Variants in WNK1 observed in about 807,000 individuals in gnomAD.
The protein encoded by WNK1 is serine/threonine-protein kinase WNK1.
Under a neutral mutation model 222.8 loss-of-function variants are expected in WNK1, and 38 were observed. The observed-to-expected ratio is 0.17, with a 90% confidence interval of 0.13 to 0.22. The LOEUF (loss-of-function observed/expected upper bound fraction) is 0.22, where lower values mean the gene tolerates loss of function less well. Among genes scored for constraint, WNK1 ranks in the 10% least tolerant of loss-of-function variants. The probability of loss-of-function intolerance (pLI) is 1.00; values close to 1 mark genes in which losing one functional copy is unlikely to be tolerated. For synonymous variants in WNK1, 1,090 were observed against 1,092.9 expected, an observed-to-expected ratio of 1.00 and a Z score of 0.05; for missense variants, 2,348 against 2,918.4, an observed-to-expected ratio of 0.80 and a Z score of 4.50.
At chr12:871,133 T>C in intron 8 of WNK1, 132 bp from the exon 9 acceptor site, 1 of 848,662 alleles carries the variant, frequency 1.2e-6, no homozygotes, top group Non-Finnish European at 2.0e-6. Flanking sequence ...GCCTCTCCCA[T>C]ACATAATCAG....
At chr12:887,172 C>A in intron 19 of WNK1, 49 bp from the exon 20 acceptor site, 1 of 1,535,250 alleles carries the variant, frequency 6.5e-7, no homozygotes. Flanking sequence ...AGTACGCAGT[C>A]TTTATATTTA....
chr12:770,990 G>A (rs543903983), intron 1 of WNK1, among the ~76,000 whole-genome samples: 2 of 152,000 alleles, frequency 1.3e-5, no homozygotes, highest in African/African-American at 4.8e-5. Context: ...TAAACTTACT[G>A]CTTTATATTT....
intron 22 of WNK1, among the ~76,000 whole-genome samples, chr12:891,602 C>CTTTTTTTTTTTTTT (rs71441624): frequency 7.9e-6 from 1 of 126,016 alleles, no homozygotes. Flanking sequence ...GATTTTTTTT[C>CTTTTTTTTTTTTTT]TTTTTTTTTT....
At chr12:841,708 A>G (rs1949638724) in intron 4 of WNK1, among the ~76,000 whole-genome samples, 1 of 152,232 alleles carries the variant, frequency 6.6e-6, no homozygotes, top group Non-Finnish European at 1.5e-5. Context: ...AAAGCCCAAG[A>G]TCAGGTGCCA....
chr12:848,459 A>G (rs997094752), intron 4 of WNK1, among the ~76,000 whole-genome samples: 2 of 149,770 alleles, frequency 1.3e-5, no homozygotes, highest in Non-Finnish European at 3.0e-5. Context: ...TAATACAAAA[A>G]CAATGACTTG....
chr12:777,390 G>C (rs1341042447), intron 1 of WNK1, among the ~76,000 whole-genome samples: 1 of 151,842 alleles, frequency 6.6e-6, no homozygotes, highest in Non-Finnish European at 1.5e-5. Context: ...ATTCTCCTGA[G>C]GTAGTGATGT....
chr12:901,483 C>T, intron 26 of WNK1: 1 of 1,060,168 alleles, frequency 9.4e-7, no homozygotes, highest in East Asian at 6.2e-5. Flanking sequence ...CCACTCCAGC[C>T]TCAAGTTTCT....
At chr12:801,630 T>A (rs1945887327) in intron 1 of WNK1, among the ~76,000 whole-genome samples, 1 of 151,336 alleles carries the variant, frequency 6.6e-6, no homozygotes, top group African/African-American at 2.4e-5. Context: ...CTGGTCTTGA[T>A]CTCCTGGCCT....
At chr12:825,309 A>G (rs1212065111) in intron 2 of WNK1, among the ~76,000 whole-genome samples, 1 of 152,194 alleles carries the variant, frequency 6.6e-6, no homozygotes, top group Non-Finnish European at 1.5e-5. Flanking sequence ...ATTTTATTTT[A>G]GTTCTGCTAT....
At position 896,549 on chromosome 12, in the gene WNK1, G is replaced by A. The variant is rs1565604539; in HGVS notation, c.6062G>A (p.Arg2021Lys). 6.2e-7 allele frequency: 1 copy of A among 1,613,290 alleles called. No homozygotes were observed. The highest frequency in any genetic ancestry group is 1.3e-5 in the African/African-American group (1 of 74,688). ...GACCCGGAGGCCGCTTTTTTAAGTA[G>A]GGATGTGGATGATGGTTCCGGTAGT... Reference protein sequence around the residue: ...SSDPEAAFLSRDVDDGSGSPH... With the variant: ...SSDPEAAFLSKDVDDGSGSPH... The change falls in exon 24 of 28, where the codon AGG (arginine) becomes AAG (lysine). Residue 2021 changes from arginine (R) to lysine (K), a missense_variant. By Grantham distance (26) the Arg-to-Lys change is conservative. This residue lies in a region of WNK1 where 1,144 missense variants were observed against 1,273.6 expected (regional missense o/e 0.90). Transcript: ENST00000315939.
At chr12:813,867 T>C in intron 2 of WNK1, 53 bp downstream of exon 2, 12 of 1,583,816 alleles carry the variant, frequency 7.6e-6, no homozygotes, top group Non-Finnish European at 1.0e-5. Flanking sequence ...AGAATTTGAT[T>C]TTTTAAATTT....
At position 907,938 on chromosome 12, in the gene WNK1, A is replaced by G. The variant is rs772582561; in HGVS notation, c.6735A>G (p.Thr2245=). 15 of 1,614,230 alleles carry G rather than the reference A, an allele frequency of 9.3e-6. No individual in the cohort carries two copies. In the South Asian group the frequency reaches 1.3e-4, roughly 14 times the overall value. The change falls in exon 27 of 28, where the codon ACA becomes ACG. Residue 2245 remains threonine (T), a synonymous_variant. Coordinates refer to ENST00000315939, the MANE Select transcript of WNK1 (RefSeq NM_018979.4). ...PPAMTSSRKG[T]FTDDLHKLVD... is the part of the protein sequence containing the mutation. ...CCATGACGTCCAGCAGGAAGGGCAC[A>G]TTCACAGATGACTTGCACAAGTTGG...
At chr12:901,513 C>A (rs1955256699) in intron 26 of WNK1, 1 of 1,240,708 alleles carries the variant, frequency 8.1e-7, no homozygotes, top group South Asian at 1.3e-5. Context: ...TAGTTGTGTT[C>A]TGTCTCTTCT....
intron 1 of WNK1, among the ~76,000 whole-genome samples, chr12:782,374 A>AT (rs1943799803): frequency 6.6e-6 from 1 of 152,156 alleles, no homozygotes; most frequent in South Asian, 2.1e-4. Context: ...TGTCAGTCCT[A>AT]TTTTATAGAT....
At chr12:768,337 T>C (rs1204129741) in intron 1 of WNK1, among the ~76,000 whole-genome samples, 1 of 152,160 alleles carries the variant, frequency 6.6e-6, no homozygotes, top group Non-Finnish European at 1.5e-5. Flanking sequence ...GATTTCATCA[T>C]GTTGGCCAGG....
chr12:900,851 C>T, intron 26 of WNK1, 181 bp downstream of exon 26: 2 of 769,444 alleles, frequency 2.6e-6, no homozygotes, highest in South Asian at 2.9e-5. Context: ...GGGCTCACTG[C>T]TCCCATTAGG....
intron 26 of WNK1, among the ~76,000 whole-genome samples, chr12:903,476 G>C (rs1254661066): frequency 6.6e-6 from 1 of 152,096 alleles, no homozygotes; most frequent in Non-Finnish European, 1.5e-5. Context: ...GACATGTCAG[G>C]CCTATGGTCT....
Position 861,237 on chromosome 12 carries a change from T to C in WNK1, c.1845T>C (p.Thr615=). ...CTTCTGCTAGCACCGGCATACCTAC[T>C]GCTTCTACCACTTCAGCTTCAGTTT... ...QLPSASTGIP[T]ASTTSASVST... Residue 615 remains threonine (T), a synonymous_variant, in exon 7 of 28, where the codon ACT becomes ACC. Coordinates refer to ENST00000315939, the MANE Select transcript of WNK1 (RefSeq NM_018979.4). 1 of 1,614,168 alleles carries C rather than the reference T, an allele frequency of 6.2e-7. No individual in the cohort carries two copies. The highest frequency in any genetic ancestry group is 8.5e-7 in the Non-Finnish European group (1 of 1,180,024).
intron 8 of WNK1, among the ~76,000 whole-genome samples, chr12:870,717 G>C (rs72649863): frequency 3.3e-4 from 51 of 152,274 alleles, no homozygotes; most frequent in African/African-American, 1.1e-3. Flanking sequence ...AACCAGAAAT[G>C]TCTCCACATA....
Sources: gnomAD v4.1 joint callset for allele counts (sites outside exome capture counted in the v4.1 genomes callset) on GRCh38, gnomAD v4.1.1 for gene constraint, gnomAD v4.1.1 regional missense constraint, MANE v1.5 for transcripts, NCBI Gene and HGNC (gene_info 2026-07-23, HGNC 2026-07-21) for gene names.